KYAT3: variants seen among roughly 807,000 people sequenced by gnomAD.
The protein encoded by KYAT3 is kynurenine--oxoglutarate transaminase 3.
A neutral mutation model predicts 59.0 loss-of-function variants in KYAT3; 50 were observed. That is an observed-to-expected ratio of 0.85 (90% CI 0.68 to 1.07). The LOEUF (loss-of-function observed/expected upper bound fraction) is 1.07, where lower values mean the gene tolerates loss of function less well. Ranked by LOEUF, KYAT3 falls within the 50% of genes least tolerant of loss-of-function variation. KYAT3 has a pLI of 0.00. For synonymous variants in KYAT3, 148 were observed against 177.0 expected, an observed-to-expected ratio of 0.84 and a Z score of 1.30; for missense variants, 497 against 533.3, an observed-to-expected ratio of 0.93 and a Z score of 0.67.
chr1:88,961,247 C>T lies in KYAT3; in HGVS notation c.707G>A (p.Cys236Tyr). 2 of 1,613,488 alleles carry T rather than the reference C, an allele frequency of 1.2e-6. No individual in the cohort carries two copies. The highest frequency in any genetic ancestry group is 1.7e-6 in the Non-Finnish European group (2 of 1,179,874). ...REELQVIADL[C>Y]IKYDTLCISD... ...GATGCAGAGTGTGTCATATTTGATG[C>T]AAAGGTCAGCAATTACTTGCAGTTC... The change falls in exon 8 of 14, where the codon TGC becomes TAC. Residue 236 changes from cysteine to tyrosine, a missense_variant. Transcript: ENST00000260508.
Position 88,981,989 on chromosome 1 carries a change from A to C in KYAT3, c.99+6263T>G, listed in dbSNP as rs1483393782. On this transcript the variant is annotated intron_variant, in intron 2 of 13. Coordinates refer to ENST00000260508, the MANE Select transcript of KYAT3 (RefSeq NM_001008661.3). ...TTGGTTTTGGCCAAACTTTTTATTT[A>C]GTATTCCGTAGTTGTTTAGCACACA... The C allele has an allele frequency of 3.1e-6, 3 of 982,848 alleles. No individual in the cohort carries two copies. The African/African-American group carries it at 5.3e-5, about 17-fold the overall frequency. 60.9% of individuals were successfully genotyped at this position (982,848 alleles called of 1,614,324 possible).
chr1:88,987,119 C>T lies in KYAT3; in HGVS notation c.99+1133G>A, dbSNP rs529418477. On this transcript the variant is annotated intron_variant, in intron 2 of 13. Transcript: ENST00000260508. Reference sequence around the variant, plus strand: ...TGCCTGGGACATACATCAGAATCAGCTGGAAAGATTTTTCAAAATACATTC... The same window carrying T: ...TGCCTGGGACATACATCAGAATCAGTTGGAAAGATTTTTCAAAATACATTC... Among the ~76,000 whole-genome samples the T allele has an allele frequency of 4.6e-5, 7 of 152,284 alleles. No individual in the cohort carries two copies. The East Asian group carries it at 9.6e-4, about 21-fold the overall frequency.
chr1:88,980,327 T>G (rs989541223), intron 2 of KYAT3: 2 of 152,610 alleles, frequency 1.3e-5, no homozygotes, highest in Non-Finnish European at 2.9e-5. Flanking sequence ...TTTAAAAAGC[T>G]GCCAGAGTAT....
chr1:88,988,609 AATT>A (rs1677608234), intron 1 of KYAT3, among the ~76,000 whole-genome samples: 1 of 152,218 alleles, frequency 6.6e-6, no homozygotes, highest in Admixed American at 6.5e-5. Context: ...GAATATTCTT[AATT>A]AAAAAAATAA....
chr1:88,983,597 T>C (rs771566198), intron 2 of KYAT3: 41 of 1,614,096 alleles, frequency 2.5e-5, no homozygotes, highest in Non-Finnish European at 3.4e-5. Context: ...CTTGATGGCT[T>C]TTCCATCTAA....
At chr1:88,965,912 G>C (rs531812510) in intron 4 of KYAT3, among the ~76,000 whole-genome samples, 1 of 152,180 alleles carries the variant, frequency 6.6e-6, no homozygotes, top group East Asian at 1.9e-4. Flanking sequence ...ATTCTAGCAA[G>C]AGGAGATCTG....
At chr1:88,923,745 C>T in the KYAT3 span, 1 of 288,496 alleles carries the variant, frequency 3.5e-6, no homozygotes, top group South Asian at 3.3e-5. Context: ...TTCTCTGCAT[C>T]TGTCTGCCAG....
chr1:88,921,669 G>C, the KYAT3 span, among the ~76,000 whole-genome samples: 1 of 152,172 alleles, frequency 6.6e-6, no homozygotes, highest in Non-Finnish European at 1.5e-5. Flanking sequence ...AGGATGTGTA[G>C]ATGTATAGAA....
At chr1:88,942,129 T>C (rs1186618152) in intron 13 of KYAT3, among the ~76,000 whole-genome samples, 1 of 152,208 alleles carries the variant, frequency 6.6e-6, no homozygotes, top group African/African-American at 2.4e-5. Context: ...ATTTCTCCTT[T>C]TTTCAGATTG....
chr1:88,941,240 T>A (rs1046256478), intron 13 of KYAT3, among the ~76,000 whole-genome samples: 2 of 152,242 alleles, frequency 1.3e-5, no homozygotes, highest in Admixed American at 1.3e-4. Flanking sequence ...GTTGTTAATA[T>A]TTATATTCTA....
Position 88,972,490 on chromosome 1 carries a change from T to A in KYAT3, c.100-3023A>T, listed in dbSNP as rs145170292. Among the ~76,000 whole-genome samples, 87 of 152,330 alleles carry A rather than the reference T, an allele frequency of 5.7e-4. 1 individual carries two copies. Among genetic ancestry groups the A allele is most frequent in the African/African-American group, 1.9e-3 (80 of 41,560 alleles). On this transcript the variant is annotated intron_variant, in intron 2 of 13. Coordinates refer to ENST00000260508, the MANE Select transcript of KYAT3 (RefSeq NM_001008661.3). ...ACCTCACTCACATTACAGGGTGAAC[T>A]TATGGTGTCAGTTAGCTCTATCAGT...
intron 2 of KYAT3, among the ~76,000 whole-genome samples, chr1:88,972,317 C>T (rs1676584353): frequency 6.6e-6 from 1 of 152,232 alleles, no homozygotes; most frequent in African/African-American, 2.4e-5. Context: ...ATCTAAAATA[C>T]ACCTTCACAG....
chr1:88,964,840 C>T lies in KYAT3; in HGVS notation c.442G>A (p.Glu148Lys). Residue 148 changes from glutamate (E) to lysine (K), a missense_variant, in exon 5 of 14, where the codon GAG becomes AAG. This residue lies in a region of KYAT3 where 469 missense variants were observed against 479.1 expected (regional missense o/e 0.98). Transcript: ENST00000260508. Reference sequence around the variant, plus strand: ...GTTAATATACTTACTTCATCTCCCTCATCAATTAATGCTTGAATGGTGTTA... The same window carrying T: ...GTTAATATACTTACTTCATCTCCCTTATCAATTAATGCTTGAATGGTGTTA... Reference protein sequence around the residue: ...LFNTIQALIDEGDEVILIVPF... With the variant: ...LFNTIQALIDKGDEVILIVPF... 6.3e-7 allele frequency: 1 copy of T among 1,592,454 alleles called. No individual in the cohort carries two copies. The highest frequency in any genetic ancestry group is 1.8e-5 in the Admixed American group (1 of 54,076).
At chr1:88,925,337 C>T in the KYAT3 span, among the ~76,000 whole-genome samples, 3 of 152,334 alleles carry the variant, frequency 2.0e-5, no homozygotes, top group East Asian at 5.8e-4. Flanking sequence ...GGGTCCCGAC[C>T]ACGACTTTCT....
intron 2 of KYAT3, chr1:88,982,366 G>C (rs1424596699): frequency 2.6e-6 from 2 of 755,068 alleles, no homozygotes; most frequent in East Asian, 9.1e-5. Flanking sequence ...ATAGGAAGTG[G>C]TCTTTAGGGA....
intron 10 of KYAT3, among the ~76,000 whole-genome samples, chr1:88,949,605 T>C (rs1359978031): frequency 6.6e-6 from 1 of 152,160 alleles, no homozygotes; most frequent in Non-Finnish European, 1.5e-5. Context: ...TAGAATGACT[T>C]GCTAAATCTA....
chr1:88,980,315 A>C (rs1275648341), intron 2 of KYAT3: 1 of 152,586 alleles, frequency 6.6e-6, no homozygotes, highest in Non-Finnish European at 1.5e-5. Flanking sequence ...GATAAAGCTG[A>C]ATTTAAAAAG....
chr1:88,954,448 A>G (rs1012196512), intron 9 of KYAT3, among the ~76,000 whole-genome samples: 1 of 152,212 alleles, frequency 6.6e-6, no homozygotes, highest in Non-Finnish European at 1.5e-5. Flanking sequence ...GGTTATGAGA[A>G]TGAAAGAAAT....
At chr1:88,974,018 G>A (rs1676662335) in intron 2 of KYAT3, among the ~76,000 whole-genome samples, 1 of 152,126 alleles carries the variant, frequency 6.6e-6, no homozygotes, top group South Asian at 2.1e-4. Context: ...CAAGGTCACA[G>A]CCAAAAAGTT....
Sources: allele counts gnomAD v4.1 joint callset (sites outside exome capture counted in the v4.1 genomes callset), GRCh38; gene constraint gnomAD v4.1.1; regional missense constraint gnomAD v4.1.1; transcripts MANE v1.5; gene names NCBI Gene and HGNC (gene_info 2026-07-23, HGNC 2026-07-21).